RUNX1T1: variants seen among roughly 807,000 people sequenced by gnomAD.
The protein encoded by RUNX1T1 is protein CBFA2T1.
RUNX1T1 carries 4 observed loss-of-function variants against 62.8 expected under a neutral mutation model. The ratio of observed to expected loss-of-function variants is 0.06; its 90% CI spans 0.03 to 0.15. The LOEUF (loss-of-function observed/expected upper bound fraction) is 0.15, where lower values mean the gene tolerates loss of function less well. RUNX1T1 is among the 10% of genes least tolerant of loss of function. The pLI, the probability that RUNX1T1 is intolerant of heterozygous loss-of-function variation, is 1.00. For synonymous variants in RUNX1T1, 291 were observed against 286.0 expected (o/e 1.02, Z -0.18); for missense variants, 508 against 754.3 (o/e 0.67, Z 3.82).
intron 1 of RUNX1T1, among the ~76,000 whole-genome samples, chr8:92,055,641 T>A (rs755495862): frequency 6.6e-6 from 1 of 152,188 alleles, no homozygotes; most frequent in African/African-American, 2.4e-5. Flanking sequence ...CACTGGTATA[T>A]AAAGAATGCC....
intron 2 of RUNX1T1, among the ~76,000 whole-genome samples, 197 bp from the exon 4 acceptor site, chr8:92,015,017 ACTGAGTGATGGTATCCTGCACAGAGG>A (rs1480982244): frequency 2.0e-5 from 3 of 152,190 alleles, no homozygotes; most frequent in African/African-American, 7.2e-5. Flanking sequence ...TACTCCTCAT[ACTGAGTGATGGTATCCTGCACAGAGG>A]CTGACAATAA....
At chr8:92,016,661 C>A (rs115480832) in intron 2 of RUNX1T1, among the ~76,000 whole-genome samples, 3 of 152,062 alleles carry the variant, frequency 2.0e-5, no homozygotes, top group Admixed American at 6.5e-5. Flanking sequence ...GGTGACAGAG[C>A]GAGATTCTGT....
At chr8:91,969,422 C>T (rs1812305210) in intron 10 of RUNX1T1, among the ~76,000 whole-genome samples, 1 of 152,184 alleles carries the variant, frequency 6.6e-6, no homozygotes, top group South Asian at 2.1e-4. Flanking sequence ...AACTGTGCCT[C>T]ACGATATTGC....
At chr8:92,007,269 C>G (rs964627326) in intron 4 of RUNX1T1, among the ~76,000 whole-genome samples, 4 of 152,038 alleles carry the variant, frequency 2.6e-5, no homozygotes, top group African/African-American at 9.7e-5. Context: ...AGTTCAAGAC[C>G]AGCCTGGCCA....
At chr8:92,082,911 G>GA (rs756180578) in intron 1 of RUNX1T1, among the ~76,000 whole-genome samples, 33 of 152,112 alleles carry the variant, frequency 2.2e-4, no homozygotes, top group Non-Finnish European at 4.3e-4. Context: ...AAGGAGGAGG[G>GA]AGAGAAGGAA....
chr8:92,011,268 G>A (rs938685225), intron 3 of RUNX1T1, among the ~76,000 whole-genome samples, 177 bp from the exon 5 acceptor site: 4 of 152,090 alleles, frequency 2.6e-5, no homozygotes, highest in African/African-American at 4.8e-5. Context: ...ACAGTTTATT[G>A]CATCACTCAC....
At chr8:92,068,202 C>T (rs1833156452) in intron 2 of RUNX1T1, among the ~76,000 whole-genome samples, 1 of 152,064 alleles carries the variant, frequency 6.6e-6, no homozygotes, top group South Asian at 2.1e-4. Context: ...ACAGTTTTCT[C>T]ATATTTTGTA....
At chr8:92,007,215 C>T (rs2131047269) in intron 4 of RUNX1T1, among the ~76,000 whole-genome samples, 1 of 152,254 alleles carries the variant, frequency 6.6e-6, no homozygotes, top group Middle Eastern at 3.4e-3. Context: ...CCTGTAATCC[C>T]AGCACTTCCA....
At chr8:92,051,962 C>G (rs1023941777) in intron 1 of RUNX1T1, among the ~76,000 whole-genome samples, 8 of 152,064 alleles carry the variant, frequency 5.3e-5, no homozygotes, top group Admixed American at 6.5e-5. Context: ...CACTTTCTCT[C>G]AAAGCACAGT....
intron 1 of RUNX1T1, among the ~76,000 whole-genome samples, chr8:92,034,707 T>TA (rs746747399): frequency 1.1e-4 from 17 of 151,348 alleles, no homozygotes; most frequent in Admixed American, 2.0e-4. Context: ...TGTATACATA[T>TA]ATATACACAT....
Position 92,003,349 on chromosome 8 carries a change from G to A in RUNX1T1, c.659+1767C>T, listed in dbSNP as rs1320180600. On this transcript the variant is annotated intron_variant, in intron 5 of 10. Coordinates refer to ENST00000396218, the Ensembl canonical transcript of RUNX1T1. ...CAAAAGTCACAATACATTCAAATAT[G>A]AAATACTGGGAAAGAGCTGGTGGGA... The A allele has an allele frequency of 1.1e-5, 5 of 456,208 alleles. No individual in the cohort carries two copies. In the Admixed American group the frequency reaches 1.2e-4, roughly 11 times the overall value. The allele number at this position is 456,208 out of a possible 1,614,324, so 28.3% of individuals were successfully genotyped here. A position where few individuals can be genotyped will look rare whatever the true frequency, so the allele number is the denominator to read the frequency against.
intron 4 of RUNX1T1, among the ~76,000 whole-genome samples, chr8:92,006,931 G>A (rs981567509): frequency 1.3e-5 from 2 of 151,972 alleles, no homozygotes; most frequent in African/African-American, 4.8e-5. Flanking sequence ...AAAATACTAG[G>A]ATATTTGCTA....
At chr8:92,027,818 T>C (rs1042146898) in intron 1 of RUNX1T1, among the ~76,000 whole-genome samples, 10 of 151,550 alleles carry the variant, frequency 6.6e-5, no homozygotes, top group African/African-American at 2.4e-4. Flanking sequence ...ATTACTATTT[T>C]TGGAAAACTA....
At chr8:92,064,539 G>A (rs1832580012), upstream of RUNX1T1, among the ~76,000 whole-genome samples, 1 of 152,084 alleles carries the variant, frequency 6.6e-6, no homozygotes, top group Non-Finnish European at 1.5e-5. Context: ...GGGCCTTTAT[G>A]GAATCCAGCA....
chr8:92,085,812 C>G (rs1836019667), intron 1 of RUNX1T1, among the ~76,000 whole-genome samples: 1 of 152,128 alleles, frequency 6.6e-6, no homozygotes, highest in Non-Finnish European at 1.5e-5. Flanking sequence ...AAATCTCTCA[C>G]ATAGGGGTCA....
chr8:92,022,925 C>T (rs1204187099), intron 1 of RUNX1T1, among the ~76,000 whole-genome samples: 2 of 152,158 alleles, frequency 1.3e-5, no homozygotes, highest in Non-Finnish European at 2.9e-5. Context: ...CTTAGCAATG[C>T]TTGTTGCTTT....
At chr8:92,061,630 C>T (rs577871388) in intron 1 of RUNX1T1, among the ~76,000 whole-genome samples, 12 of 152,330 alleles carry the variant, frequency 7.9e-5, no homozygotes, top group African/African-American at 2.6e-4. Flanking sequence ...CTACACACAA[C>T]TGTGGTTGCA....
intron 1 of RUNX1T1, among the ~76,000 whole-genome samples, chr8:92,045,513 C>T (rs570484966): frequency 3.9e-5 from 6 of 152,198 alleles, no homozygotes; most frequent in Admixed American, 3.3e-4. Context: ...CTGCCAATTA[C>T]GCAGGCTCAA....
chr8:92,016,406 G>A (rs542205828), intron 2 of RUNX1T1, among the ~76,000 whole-genome samples: 169 of 152,310 alleles, frequency 1.1e-3, no homozygotes, highest in Non-Finnish European at 2.2e-3. Context: ...ACCGGGTGCG[G>A]TGGCTCACGC....
Sources: allele counts gnomAD v4.1 joint callset (sites outside exome capture counted in the v4.1 genomes callset), GRCh38; gene constraint gnomAD v4.1.1; transcripts MANE v1.5; gene names NCBI Gene and HGNC (gene_info 2026-07-23, HGNC 2026-07-21).